AR: variants seen among roughly 807,000 people sequenced by gnomAD.
AR encodes the protein dihydrotestosterone receptor.
In AR, 8 loss-of-function variants were observed where a neutral mutation model predicts 53.9. The ratio of observed to expected loss-of-function variants is 0.15; its 90% confidence interval spans 0.09 to 0.27. The LOEUF is 0.27. Among genes scored for constraint, AR ranks in the 10% least tolerant of loss-of-function variants. The pLI is 1.00. For missense variants in AR, 639 were observed against 742.5 expected (o/e 0.86, Z 1.62); for synonymous variants, 359 against 316.4 (o/e 1.13, Z -1.43).
chrX:67,662,140 C>T (rs1401289821), intron 2 of AR, among the ~76,000 whole-genome samples: 1 of 111,459 alleles, frequency 9.0e-6, no homozygotes, highest in Admixed American at 9.6e-5. Flanking sequence ...TTCAAAAAAC[C>T]AGTTCCTGGA....
chrX:67,546,129 C>T lies in AR; in HGVS notation c.983C>T (p.Ser328Phe), dbSNP rs1929717720. The change falls in exon 1 of 8, where the codon TCT becomes TTT. Residue 328 changes from serine (S) to phenylalanine (F), a missense_variant. This residue lies in a region of AR where 423 missense variants were observed against 377.0 expected (regional missense o/e 1.12). Transcript: ENST00000374690. ...CTAGAAGGCGAGAGCCTAGGCTGCTCTGGCAGCGCTGCAGCAGGGAGCTCC... is the reference window on the plus strand; with the variant it reads ...CTAGAAGGCGAGAGCCTAGGCTGCTTTGGCAGCGCTGCAGCAGGGAGCTCC... ...KGLEGESLGC[S>F]GSAAAGSSGT... 7 of 1,212,246 alleles carry T rather than the reference C, an allele frequency of 5.8e-6. No individual in the cohort carries two copies. Among genetic ancestry groups the T allele is most frequent in the Non-Finnish European group, 6.7e-6 (6 of 895,572 alleles).
rs201097512 is a variant in AR, at chrX:67,718,589, G to GA, written c.2318+976dup. 2.2e-4 allele frequency among the ~76,000 whole-genome samples: 24 copies of GA among 108,982 alleles called. No homozygotes were observed. The South Asian group carries it at 2.8e-3, about 13-fold the overall frequency. 94.6% of individuals were successfully genotyped at this position (108,982 alleles called of 115,157 possible). A position where few individuals can be genotyped will look rare whatever the true frequency, so the allele number is the denominator to read the frequency against. ...TGTCTGGCCCATAGTAGGCAAGAAG[G>GA]AAAAAAAAAGTCCCTTTCTGATTCA... On this transcript the variant is annotated intron_variant, in intron 5 of 7. Coordinates refer to ENST00000374690, the MANE Select transcript of AR (RefSeq NM_000044.6).
chrX:67,636,101 G>A (rs1346784915), intron 1 of AR, among the ~76,000 whole-genome samples: 2 of 111,407 alleles, frequency 1.8e-5, no homozygotes, highest in Non-Finnish European at 3.8e-5. Flanking sequence ...CATCATGATT[G>A]CATCAACCCT....
intron 3 of AR, chrX:67,694,659 C>T: frequency 8.7e-7 from 1 of 1,154,426 alleles, no homozygotes; most frequent in Non-Finnish European, 1.1e-6. Flanking sequence ...AACAATGTCT[C>T]TCTTTCATAC....
chrX:67,629,981 G>A (rs1259550309), intron 1 of AR, among the ~76,000 whole-genome samples: 1 of 111,638 alleles, frequency 9.0e-6, no homozygotes, highest in Non-Finnish European at 1.9e-5. Flanking sequence ...GTTCTAGTTT[G>A]ATTGCACGGT....
intron 7 of AR, 39 bp from the exon 8 acceptor site, chrX:67,723,647 T>C (rs1958015949): frequency 2.5e-6 from 3 of 1,205,698 alleles, no homozygotes; most frequent in Non-Finnish European, 1.1e-6. Context: ...GCCACCTCCT[T>C]GTCAACCCTG....
In AR at chrX:67,655,945, G is replaced by T. The variant is rs752129358; in HGVS notation, c.1768+12538G>T. On this transcript the variant is annotated intron_variant, in intron 2 of 7. Coordinates refer to ENST00000374690, the MANE Select transcript of AR (RefSeq NM_000044.6). The stretch of plus-strand genomic sequence containing the variant: ...AATGCTAATGTGGATTAAATAATTT[G>T]TCTGTTGCTATTTATACGGATAATT... Among the ~76,000 whole-genome samples, 3 of 112,182 alleles carry T rather than the reference G, an allele frequency of 2.7e-5. No homozygotes were observed. In the South Asian group the frequency reaches 1.1e-3, roughly 41 times the overall value.
chrX:67,546,627 A>C lies in AR; in HGVS notation c.1481A>C (p.Glu494Ala). The C allele has an allele frequency of 1.7e-6, 2 of 1,195,584 alleles. No homozygotes were observed. The highest frequency in any genetic ancestry group is 1.7e-5 in the African/African-American group (1 of 57,330). ...TRPPQGLAGQ[E>A]SDFTAPDVWY... ...CCCCCTCAGGGGCTGGCGGGCCAGGAAAGCGACTTCACCGCACCTGATGTG... is the reference window on the plus strand; with the variant it reads ...CCCCCTCAGGGGCTGGCGGGCCAGGCAAGCGACTTCACCGCACCTGATGTG... Residue 494 changes from glutamate to alanine, a missense_variant, in exon 1 of 8, where the codon GAA (glutamate) becomes GCA (alanine). This residue lies in a region of AR where 423 missense variants were observed against 377.0 expected (regional missense o/e 1.12). Coordinates refer to ENST00000374690, the MANE Select transcript of AR (RefSeq NM_000044.6).
intron 2 of AR, among the ~76,000 whole-genome samples, chrX:67,656,093 C>T (rs1238944940): frequency 1.8e-5 from 2 of 111,938 alleles, no homozygotes; most frequent in Non-Finnish European, 3.8e-5. Flanking sequence ...GAGCTCCCTG[C>T]GTTCTGGGCC....
intron 1 of AR, among the ~76,000 whole-genome samples, chrX:67,577,499 T>G (rs969811484): frequency 2.7e-5 from 3 of 110,831 alleles, no homozygotes; most frequent in African/African-American, 9.8e-5. Flanking sequence ...CACCTAGGAG[T>G]GGAATTGCTG....
chrX:67,710,101 T>TG (rs2076087687), intron 3 of AR, among the ~76,000 whole-genome samples: 2 of 109,928 alleles, frequency 1.8e-5, no homozygotes, highest in Admixed American at 9.7e-5. Flanking sequence ...TGTGTGTGTG[T>TG]TTAGAGAGAG....
intron 5 of AR, among the ~76,000 whole-genome samples, chrX:67,719,461 C>T (rs913177845): frequency 4.0e-4 from 44 of 111,298 alleles, no homozygotes; most frequent in African/African-American, 1.4e-3. Flanking sequence ...CATCCCACCT[C>T]GGCTTCCTGG....
At chrX:67,667,600 T>A (rs1034021538) in intron 2 of AR, among the ~76,000 whole-genome samples, 10 of 111,741 alleles carry the variant, frequency 8.9e-5, no homozygotes, top group Non-Finnish European at 1.9e-4. Context: ...ATGTCAAGAA[T>A]GTCATTGATA....
chrX:67,597,420 T>C (rs1923134551), intron 1 of AR, among the ~76,000 whole-genome samples: 1 of 111,756 alleles, frequency 8.9e-6, no homozygotes, highest in East Asian at 2.8e-4. Flanking sequence ...GCCCTCCTTT[T>C]CACTCTCTGG....
rs1176132733 is a variant in AR at position 67,707,970 on chromosome X, C to T, written c.1886-3432C>T. 6.3e-5 allele frequency among the ~76,000 whole-genome samples: 7 copies of T among 111,845 alleles called. No homozygotes were observed. In the East Asian group the frequency reaches 2.0e-3, roughly 31 times the overall value. Reference sequence around the variant, plus strand: ...TTCTTTAAGAATGATGAATATTGGCCCCCACTCTCTTCTGGCTTGTAGAGT... The same window carrying T: ...TTCTTTAAGAATGATGAATATTGGCTCCCACTCTCTTCTGGCTTGTAGAGT... On this transcript the variant is annotated intron_variant, in intron 3 of 7. Coordinates refer to ENST00000374690, the MANE Select transcript of AR (RefSeq NM_000044.6).
chrX:67,570,367 G>GT (rs1416454656), intron 1 of AR, among the ~76,000 whole-genome samples: 1 of 112,052 alleles, frequency 8.9e-6, no homozygotes. Context: ...CTCACGTTTC[G>GT]TTTTTTTACT....
At chrX:67,600,752 C>T (rs1359322993) in intron 1 of AR, among the ~76,000 whole-genome samples, 3 of 111,232 alleles carry the variant, frequency 2.7e-5, no homozygotes, top group African/African-American at 9.8e-5. Flanking sequence ...ATGTATACCT[C>T]ATTCTCTATA....
chrX:67,698,780 C>T (rs1247617831), intron 3 of AR, among the ~76,000 whole-genome samples: 3 of 111,601 alleles, frequency 2.7e-5, no homozygotes, highest in Non-Finnish European at 5.6e-5. Flanking sequence ...GTCTGGACCC[C>T]TGTCAATCCT....
chrX:67,706,082 A>G (rs1282795003), intron 3 of AR, among the ~76,000 whole-genome samples: 4 of 111,964 alleles, frequency 3.6e-5, no homozygotes, highest in Non-Finnish European at 7.5e-5. Context: ...ATCGATATTC[A>G]TCAGGGATAT....
Sources: allele counts gnomAD v4.1 joint callset (sites outside exome capture counted in the v4.1 genomes callset), GRCh38; gene constraint gnomAD v4.1.1; regional missense constraint gnomAD v4.1.1; transcripts MANE v1.5; gene names NCBI Gene and HGNC (gene_info 2026-07-23, HGNC 2026-07-21).